HGF: variants seen among roughly 807,000 people sequenced by gnomAD.
HGF encodes fibroblast-derived tumor cytotoxic factor.
In HGF, 39 loss-of-function variants were observed where a neutral mutation model predicts 111.6. The observed-to-expected ratio is 0.35, with a 90% CI of 0.27 to 0.46. The LOEUF is 0.46. HGF is among the 20% of genes least tolerant of loss of function. HGF has a pLI of 1.00. For missense variants in HGF, 735 were observed against 910.5 expected (o/e 0.81, Z 2.48); for synonymous variants, 285 against 294.8 (o/e 0.97, Z 0.34).
rs553847521 is a variant in HGF, at chr7:81,722,620, C to A, written c.1169-1773G>T. Among the ~76,000 whole-genome samples the A allele has an allele frequency of 2.0e-5, 3 of 150,580 alleles. No homozygotes were observed. The South Asian group carries it at 6.3e-4, about 32-fold the overall frequency. ...TTGAGGTCAGGAGTTCAAGACCAGC[C>A]TGGTCAACATGGTGAAACCCCATTT... On this transcript the variant is annotated intron_variant, in intron 9 of 17. Coordinates refer to ENST00000222390, the MANE Select transcript of HGF (RefSeq NM_000601.6).
chr7:81,720,941 ATAAAAAT>A (rs1418738946), intron 9 of HGF, 94 bp from the exon 10 acceptor site: 1 of 766,588 alleles, frequency 1.3e-6, no homozygotes, highest in East Asian at 2.7e-5. Context: ...TGAAATCAAC[ATAAAAAT>A]TAAAGTACTT....
At chr7:81,742,996 A>G in intron 7 of HGF, 1 of 1,556,694 alleles carries the variant, frequency 6.4e-7, no homozygotes, top group Non-Finnish European at 8.9e-7. Context: ...AAGGTAAGGA[A>G]CTAAGGTCCT....
At chr7:81,737,122 G>C (rs937899395) in intron 7 of HGF, among the ~76,000 whole-genome samples, 2 of 151,956 alleles carry the variant, frequency 1.3e-5, no homozygotes, top group Non-Finnish European at 2.9e-5. Context: ...AGGACTTAGT[G>C]ATAAATCAAA....
intron 7 of HGF, among the ~76,000 whole-genome samples, chr7:81,742,011 C>G (rs79370665): frequency 4.8e-4 from 69 of 143,562 alleles, no homozygotes; most frequent in African/African-American, 1.7e-3. Context: ...AGAAGGGAAA[C>G]AGTTGGTTTA....
intron 5 of HGF, among the ~76,000 whole-genome samples, chr7:81,746,941 G>A (rs1788281364): frequency 6.6e-6 from 1 of 152,168 alleles, no homozygotes; most frequent in Admixed American, 6.5e-5. Flanking sequence ...TTCTGAGTCA[G>A]TGGGTCTGGG....
chr7:81,706,062 T>G (rs972551825), intron 15 of HGF, among the ~76,000 whole-genome samples: 2 of 151,968 alleles, frequency 1.3e-5, no homozygotes, highest in African/African-American at 4.8e-5. Context: ...CTGATCAGAC[T>G]GTTGGCCCAA....
intron 11 of HGF, among the ~76,000 whole-genome samples, chr7:81,713,028 C>T (rs1562874805): frequency 6.6e-6 from 1 of 152,092 alleles, no homozygotes. Flanking sequence ...GGTAACAAAA[C>T]TTCAAGGATA....
chr7:81,752,701 T>C (rs1418202279), intron 4 of HGF, among the ~76,000 whole-genome samples: 1 of 152,114 alleles, frequency 6.6e-6, no homozygotes, highest in Admixed American at 6.6e-5. Flanking sequence ...GCTTTTCTTA[T>C]AAATAGCCCC....
chr7:81,752,318 A>G (rs945615846), intron 4 of HGF, 56 bp from the exon 5 acceptor site: 11 of 1,502,338 alleles, frequency 7.3e-6, no homozygotes, highest in South Asian at 3.4e-5. Flanking sequence ...TTTTTTGCCT[A>G]TTAATTTTAC....
At chr7:81,763,040 G>A in intron 1 of HGF, 168 bp from the exon 2 acceptor site, 1 of 597,436 alleles carries the variant, frequency 1.7e-6, no homozygotes, top group Non-Finnish European at 3.0e-6. Context: ...TTAAGAGAAA[G>A]AGAGGAATAT....
At position 81,702,773 on chromosome 7, in the gene HGF, A is replaced by C. The variant is rs188403047; in HGVS notation, c.2011-16T>G. On this transcript the variant is annotated splice_polypyrimidine_tract_variant and intron_variant, in intron 17 of 17. Transcript: ENST00000222390. ...CATAATCCCCCTAGGAGTAAGACAT[A>C]CAAAAACAAAGTATTATTAGGAATT... 3.1e-6 allele frequency: 5 copies of C among 1,604,834 alleles called. No individual in the cohort carries two copies. In the African/African-American group the frequency reaches 6.7e-5, roughly 21 times the overall value.
At position 81,735,041 on chromosome 7, in the gene HGF, G is replaced by A. The variant is rs190261963; in HGVS notation, c.866-5262C>T. 9.6e-4 allele frequency among the ~76,000 whole-genome samples: 146 copies of A among 152,148 alleles called. 2 individuals carry two copies. Among genetic ancestry groups the A allele is most frequent in the Non-Finnish European group, 1.1e-3 (73 of 67,972 alleles). On this transcript the variant is annotated intron_variant, in intron 7 of 17. Transcript: ENST00000222390. ...AGAATTTACTTTATGAAGGTCCCTC[G>A]GGATTGAGAACAGTGTGTAATAAAG... is the stretch of plus-strand genomic sequence containing the variant.
intron 15 of HGF, 50 bp from the exon 16 acceptor site, chr7:81,705,803 A>G: frequency 9.3e-7 from 1 of 1,073,872 alleles, no homozygotes; most frequent in East Asian, 2.4e-5. Flanking sequence ...ATTCAACACA[A>G]AATTAACATA....
At chr7:81,707,492 A>C in intron 13 of HGF, 128 bp from the exon 14 acceptor site, 1 of 662,860 alleles carries the variant, frequency 1.5e-6, no homozygotes, top group Non-Finnish European at 2.7e-6. Context: ...AAATTAACCC[A>C]ACTGGAATAA....
Position 81,705,873 on chromosome 7 carries a change from A to T in HGF, c.1758-120T>A. ...CAGAGAATGAAGTCCTGTTTCTTAA[A>T]AAAAAAAAAAAAAAGGTGGGAATGT... On this transcript the variant is annotated intron_variant, in intron 15 of 17. Coordinates refer to ENST00000222390, the MANE Select transcript of HGF (RefSeq NM_000601.6). 5.5e-6 allele frequency: 2 copies of T among 363,726 alleles called. No homozygotes were observed. The highest frequency in any genetic ancestry group is 4.7e-5 in the African/African-American group (2 of 42,658). 22.5% of individuals were successfully genotyped at this position (363,726 alleles called of 1,614,324 possible).
intron 4 of HGF, among the ~76,000 whole-genome samples, chr7:81,753,487 A>G (rs1788603027): frequency 6.6e-6 from 1 of 152,002 alleles, no homozygotes; most frequent in Admixed American, 6.6e-5. Flanking sequence ...ATACCATTCA[A>G]ATGTGTTTCC....
intron 9 of HGF, among the ~76,000 whole-genome samples, chr7:81,723,213 T>C (rs1347228153): frequency 6.6e-6 from 1 of 152,128 alleles, no homozygotes; most frequent in African/African-American, 2.4e-5. Flanking sequence ...CTAATGAAAT[T>C]GTCTACTTGC....
At position 81,706,362 on chromosome 7, in the gene HGF, C is replaced by T; in HGVS notation, c.1682G>A (p.Cys561Tyr). 1.2e-6 allele frequency: 2 copies of T among 1,610,174 alleles called. No homozygotes were observed. Among genetic ancestry groups the T allele is most frequent in the South Asian group, 1.1e-5 (1 of 91,014 alleles). Residue 561 changes from cysteine (C) to tyrosine (Y), a missense_variant, in exon 15 of 18, where the codon TGC becomes TAC. Transcript: ENST00000222390. ...CTGGGAAACATTGAGAACCTGTTTG[C>T]ATTTCTCATCTCCTCTTCCGTGGAC... ...HDVHGRGDEK[C>Y]KQVLNVSQLV...
intron 10 of HGF, 116 bp from the exon 11 acceptor site, chr7:81,717,481 C>T: frequency 9.6e-7 from 1 of 1,039,578 alleles, no homozygotes; most frequent in Non-Finnish European, 1.5e-6. Context: ...ACAGCATAAC[C>T]TTTTACTTGG....
Sources: gnomAD v4.1 joint callset for allele counts (sites outside exome capture counted in the v4.1 genomes callset) on GRCh38, gnomAD v4.1.1 for gene constraint, MANE v1.5 for transcripts, NCBI Gene and HGNC (gene_info 2026-07-23, HGNC 2026-07-21) for gene names.